XKR9: variants seen among roughly 807,000 people sequenced by gnomAD.
XKR9 encodes XK-related protein 9.
In XKR9, 32 loss-of-function variants were observed where a neutral mutation model predicts 32.0. The ratio of observed to expected loss-of-function variants is 1.00; its 90% CI spans 0.76 to 1.34. The LOEUF is 1.34. Among genes scored for constraint, XKR9 ranks in the 40% most tolerant of loss-of-function variants. The pLI is 0.00. For synonymous variants in XKR9, 168 were observed against 143.4 expected (o/e 1.17, Z -1.22); for missense variants, 546 against 429.7 (o/e 1.27, Z -2.39).
intron 2 of XKR9, among the ~76,000 whole-genome samples, chr8:70,761,192 A>C (rs933722202): frequency 1.3e-5 from 2 of 152,302 alleles, no homozygotes; most frequent in African/African-American, 4.8e-5. Flanking sequence ...ATGTGTCTTT[A>C]TAGTAGAACA....
intron 2 of XKR9, among the ~76,000 whole-genome samples, chr8:70,787,038 T>G (rs1807698202): frequency 6.6e-6 from 1 of 152,112 alleles, no homozygotes; most frequent in Admixed American, 6.6e-5. Flanking sequence ...TCTTCCAAAA[T>G]TAGGCAATCA....
chr8:70,906,766 C>T, the XKR9 span, among the ~76,000 whole-genome samples: 1 of 152,024 alleles, frequency 6.6e-6, no homozygotes, highest in Non-Finnish European at 1.5e-5. Context: ...ATGCAAATAC[C>T]TTTTAATATT....
At chr8:70,847,416 C>A in the XKR9 span, among the ~76,000 whole-genome samples, 1 of 151,386 alleles carries the variant, frequency 6.6e-6, no homozygotes, top group African/African-American at 2.4e-5. Context: ...ATATAATGTG[C>A]CCCAAAGAAC....
chr8:70,706,897 T>C (rs1455453636), intron 3 of XKR9, 36 bp from the exon 4 acceptor site: 1 of 1,522,792 alleles, frequency 6.6e-7, no homozygotes, highest in African/African-American at 1.4e-5. Flanking sequence ...ACAAAGAATA[T>C]AAAACTAAAG....
At chr8:70,770,552 G>A (rs1807439961) in intron 2 of XKR9, among the ~76,000 whole-genome samples, 1 of 152,152 alleles carries the variant, frequency 6.6e-6, no homozygotes, top group South Asian at 2.1e-4. Context: ...CAGGGAGATG[G>A]GACTTTTATC....
chr8:70,672,639 C>G (rs1343710061), intron 1 of XKR9, among the ~76,000 whole-genome samples: 2 of 152,078 alleles, frequency 1.3e-5, no homozygotes, highest in Non-Finnish European at 2.9e-5. Context: ...TTATACATCT[C>G]TGTACTGTTT....
At chr8:70,960,653 G>A in the XKR9 span, among the ~76,000 whole-genome samples, 1 of 152,110 alleles carries the variant, frequency 6.6e-6, no homozygotes, top group East Asian at 1.9e-4. Flanking sequence ...TGAGGCGGGA[G>A]GATTGCTTGA....
chr8:70,976,708 G>A, the XKR9 span, among the ~76,000 whole-genome samples: 2 of 152,098 alleles, frequency 1.3e-5, no homozygotes, highest in East Asian at 1.9e-4. Context: ...GCTAAGCTTT[G>A]GTATCAGGAT....
the XKR9 span, among the ~76,000 whole-genome samples, chr8:70,903,072 T>A: frequency 6.6e-6 from 1 of 152,186 alleles, no homozygotes; most frequent in Non-Finnish European, 1.5e-5. Context: ...TGCATTGATG[T>A]TCATTAGGGA....
chr8:70,874,314 C>T, the XKR9 span, among the ~76,000 whole-genome samples: 19 of 151,932 alleles, frequency 1.3e-4, no homozygotes, highest in Admixed American at 9.2e-4. Context: ...TTCTGATATT[C>T]CTGCTAATTA....
chr8:70,689,068 A>G (rs1166058916), intron 3 of XKR9, among the ~76,000 whole-genome samples: 1 of 152,204 alleles, frequency 6.6e-6, no homozygotes, highest in African/African-American at 2.4e-5. Flanking sequence ...CATAACAAAG[A>G]AAAACAACAT....
intron 2 of XKR9, among the ~76,000 whole-genome samples, chr8:70,676,921 T>C (rs1818906803): frequency 6.6e-6 from 1 of 152,194 alleles, no homozygotes; most frequent in African/African-American, 2.4e-5. Flanking sequence ...GGAAGCTCTC[T>C]TTATGGGTAG....
At chr8:70,719,768 C>A (rs1018228389) in intron 4 of XKR9, among the ~76,000 whole-genome samples, 1 of 152,080 alleles carries the variant, frequency 6.6e-6, no homozygotes, top group Non-Finnish European at 1.5e-5. Flanking sequence ...ATTGTCTTGG[C>A]TATATGGGCT....
chr8:70,975,355 T>C, the XKR9 span, among the ~76,000 whole-genome samples: 2 of 152,242 alleles, frequency 1.3e-5, no homozygotes, highest in East Asian at 1.9e-4. Flanking sequence ...GGTTTTCTTC[T>C]AGGGTTTTCA....
At chr8:70,953,253 C>G in the XKR9 span, among the ~76,000 whole-genome samples, 3 of 152,188 alleles carry the variant, frequency 2.0e-5, no homozygotes, top group African/African-American at 7.2e-5. Context: ...GTGCTAAGTA[C>G]TTTATTCATA....
the XKR9 span, among the ~76,000 whole-genome samples, chr8:70,830,666 TTAA>T: frequency 3.3e-5 from 5 of 152,200 alleles, no homozygotes; most frequent in African/African-American, 1.2e-4. Flanking sequence ...ATATAAATTC[TTAA>T]TAAACCAATT....
the XKR9 span, among the ~76,000 whole-genome samples, chr8:70,812,590 A>G: frequency 6.6e-6 from 1 of 152,248 alleles, no homozygotes; most frequent in Non-Finnish European, 1.5e-5. Flanking sequence ...CAACTTTGGC[A>G]AAGTCTCAGG....
chr8:70,894,364 T>C, the XKR9 span, among the ~76,000 whole-genome samples: 48,249 of 151,856 alleles, frequency 0.32, 8,997 homozygotes, highest in Non-Finnish European at 0.43. Context: ...CACAGTTCGG[T>C]CTAAAGGGAG....
Position 70,669,736 on chromosome 8 carries a change from G to A in XKR9, c.-361+198G>A, listed in dbSNP as rs181963439. ...GGCTGGAGTGCAGTGGCGCGATCTC[G>A]GCTCACTGCAAGCCCCGCCTCCCGG... On this transcript the variant is annotated intron_variant, in intron 1 of 4. Transcript: ENST00000408926. Among the ~76,000 whole-genome samples, 189 of 145,272 alleles carry A rather than the reference G, an allele frequency of 1.3e-3. 1 individual carries two copies. The highest frequency in any genetic ancestry group is 4.8e-3 in the African/African-American group (186 of 38,894).
Sources: allele counts gnomAD v4.1 joint callset (sites outside exome capture counted in the v4.1 genomes callset), GRCh38; gene constraint gnomAD v4.1.1; transcripts MANE v1.5; gene names NCBI Gene and HGNC (gene_info 2026-07-23, HGNC 2026-07-21).